Variants in NAALADL2 observed in about 807,000 individuals in gnomAD.
NAALADL2 encodes the protein inactive N-acetylated-alpha-linked acidic dipeptidase-like protein 2.
Under a neutral mutation model 87.2 loss-of-function variants are expected in NAALADL2, and 76 were observed. The observed-to-expected ratio is 0.87, with a 90% confidence interval of 0.72 to 1.05. NAALADL2 has a LOEUF of 1.05. Ranked by LOEUF, NAALADL2 falls within the 50% of genes least tolerant of loss-of-function variation. NAALADL2 has a pLI of 0.00. For synonymous variants in NAALADL2, 354 were observed against 331.0 expected (o/e 1.07, Z -0.75); for missense variants, 1,089 against 945.8 (o/e 1.15, Z -1.99).
chr3:174,912,603 C>G (rs1419624248), intron 1 of NAALADL2, among the ~76,000 whole-genome samples: 1 of 152,170 alleles, frequency 6.6e-6, no homozygotes, highest in South Asian at 2.1e-4. Context: ...CCTTTTCTAG[C>G]TTTCGCAGCC....
chr3:174,872,733 T>TAAACACACACACAC (rs1553879473), intron 1 of NAALADL2, among the ~76,000 whole-genome samples: 8 of 148,532 alleles, frequency 5.4e-5, no homozygotes, highest in Middle Eastern at 3.4e-3. Context: ...CACACACACA[T>TAAACACACACACAC]ACACACACAC....
intron 1 of NAALADL2, among the ~76,000 whole-genome samples, chr3:175,038,293 G>A (rs1753657342): frequency 6.6e-6 from 1 of 152,014 alleles, no homozygotes; most frequent in Non-Finnish European, 1.5e-5. Context: ...ACATGTCATT[G>A]TTTTAATAAA....
chr3:175,403,711 TAA>T (rs1711787188), intron 5 of NAALADL2, among the ~76,000 whole-genome samples: 1 of 152,068 alleles, frequency 6.6e-6, no homozygotes, highest in South Asian at 2.1e-4. Flanking sequence ...TATCTTTCAT[TAA>T]GTTTGGTAGA....
chr3:175,304,327 C>T (rs1320919712), intron 4 of NAALADL2, among the ~76,000 whole-genome samples: 1 of 152,014 alleles, frequency 6.6e-6, no homozygotes, highest in East Asian at 1.9e-4. Flanking sequence ...ACATACTGAC[C>T]CTTCTTTCTT....
At chr3:175,663,123 A>G (rs768700048) in intron 11 of NAALADL2, among the ~76,000 whole-genome samples, 176 of 151,900 alleles carry the variant, frequency 1.2e-3, no homozygotes, top group Non-Finnish European at 2.2e-3. Flanking sequence ...TCAGCAGTGT[A>G]TACATTAGCT....
chr3:174,895,794 C>G (rs1560335791), intron 1 of NAALADL2, among the ~76,000 whole-genome samples: 1 of 151,956 alleles, frequency 6.6e-6, no homozygotes, highest in Non-Finnish European at 1.5e-5. Flanking sequence ...AATAAAAAAT[C>G]CTCAAGAAAA....
intron 2 of NAALADL2, among the ~76,000 whole-genome samples, chr3:174,551,582 G>T (rs187150764): frequency 1.1e-4 from 17 of 152,234 alleles, no homozygotes; most frequent in African/African-American, 4.1e-4. Context: ...TGTAGTGGAG[G>T]CTAAGAGAGC....
At chr3:174,797,708 G>C (rs1012961484) in intron 3 of NAALADL2, among the ~76,000 whole-genome samples, 1 of 152,086 alleles carries the variant, frequency 6.6e-6, no homozygotes, top group Non-Finnish European at 1.5e-5. Flanking sequence ...TTTTAGGATT[G>C]TGTTGATCTT....
At chr3:174,660,567 C>T (rs536448567) in intron 2 of NAALADL2, among the ~76,000 whole-genome samples, 2 of 152,218 alleles carry the variant, frequency 1.3e-5, no homozygotes, top group East Asian at 1.9e-4. Context: ...TAACAATATG[C>T]TGCATCTCTG....
intron 5 of NAALADL2, among the ~76,000 whole-genome samples, chr3:175,421,916 G>A (rs148514964): frequency 1.3e-5 from 2 of 152,162 alleles, no homozygotes; most frequent in Non-Finnish European, 2.9e-5. Context: ...GCCTCTGACA[G>A]CAAATACAAA....
chr3:175,672,860 T>C (rs894360455), intron 11 of NAALADL2, among the ~76,000 whole-genome samples: 6 of 152,194 alleles, frequency 3.9e-5, no homozygotes, highest in Non-Finnish European at 7.4e-5. Flanking sequence ...ATAACAATTT[T>C]GTGTAATTTA....
chr3:175,347,877 C>T (rs1409330999), intron 5 of NAALADL2, among the ~76,000 whole-genome samples: 1 of 152,028 alleles, frequency 6.6e-6, no homozygotes, highest in Non-Finnish European at 1.5e-5. Flanking sequence ...TAATGCTATC[C>T]CTCCTCTAGC....
At chr3:174,607,814 A>C (rs1401849785) in intron 2 of NAALADL2, among the ~76,000 whole-genome samples, 3 of 152,102 alleles carry the variant, frequency 2.0e-5, no homozygotes, top group Non-Finnish European at 4.4e-5. Context: ...CACCAAGTGG[A>C]CCTAATAGAC....
intron 2 of NAALADL2, among the ~76,000 whole-genome samples, chr3:175,164,720 A>T (rs1733739656): frequency 6.6e-6 from 1 of 152,156 alleles, no homozygotes. Flanking sequence ...GAAATAAGAC[A>T]AGCATGTCAA....
At chr3:174,753,141 A>G (rs1183890417) in intron 3 of NAALADL2, among the ~76,000 whole-genome samples, 1 of 151,902 alleles carries the variant, frequency 6.6e-6, no homozygotes, top group Admixed American at 6.6e-5. Flanking sequence ...TTTCACTCTG[A>G]CACCCAGGTT....
chr3:174,495,331 C>A (rs1274281057), intron 1 of NAALADL2, among the ~76,000 whole-genome samples: 1 of 151,454 alleles, frequency 6.6e-6, no homozygotes, highest in East Asian at 1.9e-4. Flanking sequence ...ACAATTCTTC[C>A]TCATTTGGGA....
At chr3:175,168,631 T>A (rs1164338801) in intron 2 of NAALADL2, among the ~76,000 whole-genome samples, 1 of 151,896 alleles carries the variant, frequency 6.6e-6, no homozygotes, top group East Asian at 1.9e-4. Context: ...ATTTCATGAA[T>A]GTAAATATAT....
chr3:175,273,360 C>G (rs1206993780), intron 4 of NAALADL2, among the ~76,000 whole-genome samples: 2 of 152,086 alleles, frequency 1.3e-5, no homozygotes, highest in East Asian at 3.9e-4. Context: ...TTGCAAGTAA[C>G]CAAGGCAATT....
intron 2 of NAALADL2, among the ~76,000 whole-genome samples, chr3:175,112,167 GA>G (rs1329937733): frequency 6.6e-6 from 1 of 151,520 alleles, no homozygotes. Flanking sequence ...CTCCATTGGT[GA>G]TTCCTCATTG....
Sources: allele counts gnomAD v4.1 joint callset (sites outside exome capture counted in the v4.1 genomes callset), GRCh38; gene constraint gnomAD v4.1.1; transcripts MANE v1.5; gene names NCBI Gene and HGNC (gene_info 2026-07-23, HGNC 2026-07-21).